Variants in ROBO2 observed in about 807,000 individuals in gnomAD.
ROBO2 encodes roundabout homolog 2.
A neutral mutation model predicts 160.8 loss-of-function variants in ROBO2; 53 were observed. That is an observed-to-expected ratio of 0.33 (90% CI 0.26 to 0.41). The LOEUF is 0.41. Ranked by LOEUF, ROBO2 falls within the 10% of genes least tolerant of loss-of-function variation. The probability of loss-of-function intolerance (pLI) is 1.00; values close to 1 mark genes in which losing one functional copy is unlikely to be tolerated. For synonymous variants in ROBO2, 664 were observed against 611.7 expected (o/e 1.09, Z -1.26); for missense variants, 1,577 against 1,722.4 (o/e 0.92, Z 1.49).
chr3:76,957,620 C>T (rs1179420507), intron 2 of ROBO2, among the ~76,000 whole-genome samples: 1 of 151,924 alleles, frequency 6.6e-6, no homozygotes, highest in African/African-American at 2.4e-5. Context: ...ATCACGAGGT[C>T]AGGAGTTTGA....
At chr3:77,199,010 G>T (rs2082573527) in intron 2 of ROBO2, among the ~76,000 whole-genome samples, 1 of 152,186 alleles carries the variant, frequency 6.6e-6, no homozygotes, top group South Asian at 2.1e-4. Context: ...TACCCTCAAA[G>T]ATTCCAGACT....
chr3:76,522,084 C>T (rs1007238548), intron 2 of ROBO2, among the ~76,000 whole-genome samples: 2 of 152,094 alleles, frequency 1.3e-5, no homozygotes, highest in African/African-American at 2.4e-5. Context: ...ATACAGACAA[C>T]GCTGTAAGAA....
At position 77,489,130 on chromosome 3, in the gene ROBO2, T is replaced by C. The variant is rs367643063; in HGVS notation, c.668-4114T>C. Among the ~76,000 whole-genome samples, 123 of 152,314 alleles carry C rather than the reference T, an allele frequency of 8.1e-4. 1 individual carries two copies. In the South Asian group the frequency reaches 0.025, roughly 31 times the overall value. On this transcript the variant is annotated intron_variant, in intron 4 of 25. Coordinates refer to ENST00000461745, the Ensembl canonical transcript of ROBO2. ...AAATATGTGACCAAGCTCCAGTATCTCAGGAATTTCCCATGTCACATGTTG... is the reference window on the plus strand; with the variant it reads ...AAATATGTGACCAAGCTCCAGTATCCCAGGAATTTCCCATGTCACATGTTG...
At chr3:77,538,845 C>A in intron 6 of ROBO2, 1 of 491,416 alleles carries the variant, frequency 2.0e-6, no homozygotes, top group Non-Finnish European at 4.1e-6. Flanking sequence ...TGCAAAGAAA[C>A]GATTTCTCAC....
At chr3:76,830,735 G>A (rs544326910) in intron 2 of ROBO2, among the ~76,000 whole-genome samples, 41 of 151,778 alleles carry the variant, frequency 2.7e-4, no homozygotes, top group African/African-American at 9.2e-4. Flanking sequence ...CCAGCATCTC[G>A]GGAGGCTGAG....
At chr3:76,142,999 T>C (rs557919972) in intron 2 of ROBO2, among the ~76,000 whole-genome samples, 1 of 151,816 alleles carries the variant, frequency 6.6e-6, no homozygotes, top group African/African-American at 2.4e-5. Context: ...TTTCACGTCA[T>C]TTATGATGTG....
At chr3:77,031,849 A>G (rs1009645039) in intron 2 of ROBO2, among the ~76,000 whole-genome samples, 4 of 152,028 alleles carry the variant, frequency 2.6e-5, no homozygotes, top group African/African-American at 9.6e-5. Flanking sequence ...ACATGATACC[A>G]CAAACTGGAT....
At chr3:76,636,957 T>G (rs1578761128) in intron 2 of ROBO2, among the ~76,000 whole-genome samples, 1 of 151,688 alleles carries the variant, frequency 6.6e-6, no homozygotes, top group South Asian at 2.1e-4. Flanking sequence ...AGGCCAACAA[T>G]GGGGAAAACT....
intron 5 of ROBO2, among the ~76,000 whole-genome samples, chr3:77,496,618 AG>A (rs2086820800): frequency 6.6e-6 from 1 of 152,164 alleles, no homozygotes; most frequent in African/African-American, 2.4e-5. Context: ...AATTTGAATA[AG>A]GTTTGTGTAG....
chr3:76,963,142 GGT>G (rs2079794685), intron 2 of ROBO2, among the ~76,000 whole-genome samples: 1 of 112,472 alleles, frequency 8.9e-6, no homozygotes, highest in East Asian at 2.6e-4. Flanking sequence ...ACAATGTTCT[GGT>G]CCCTTTAATA....
chr3:77,236,845 T>C (rs2088064766), intron 2 of ROBO2, among the ~76,000 whole-genome samples: 1 of 152,184 alleles, frequency 6.6e-6, no homozygotes, highest in Admixed American at 6.5e-5. Context: ...CATTTAAGTT[T>C]ATTCCATATT....
At chr3:76,744,459 C>G (rs904790942) in intron 2 of ROBO2, among the ~76,000 whole-genome samples, 1 of 151,994 alleles carries the variant, frequency 6.6e-6, no homozygotes, top group South Asian at 2.1e-4. Flanking sequence ...TCCTGGGCCC[C>G]CATGATCCTC....
At chr3:76,371,853 T>A (rs2076119327) in intron 2 of ROBO2, among the ~76,000 whole-genome samples, 1 of 151,860 alleles carries the variant, frequency 6.6e-6, no homozygotes, top group Non-Finnish European at 1.5e-5. Flanking sequence ...TTCCCTTAGG[T>A]TTTCCATAAT....
At chr3:76,455,686 A>G (rs2077713538) in intron 2 of ROBO2, among the ~76,000 whole-genome samples, 1 of 152,276 alleles carries the variant, frequency 6.6e-6, no homozygotes, top group South Asian at 2.1e-4. Flanking sequence ...ACTTTTATTG[A>G]CCAGTTCTAC....
intron 2 of ROBO2, among the ~76,000 whole-genome samples, chr3:76,682,428 A>T (rs2092587415): frequency 1.0e-5 from 1 of 97,288 alleles, no homozygotes; most frequent in Non-Finnish European, 2.0e-5. Context: ...ATTTCTTTTG[A>T]GACGGAGTCT....
At chr3:77,298,524 C>A (rs566277645) in intron 2 of ROBO2, among the ~76,000 whole-genome samples, 7 of 152,208 alleles carry the variant, frequency 4.6e-5, no homozygotes, top group African/African-American at 1.7e-4. Flanking sequence ...GCCTTCAGAC[C>A]AGGGCAAAAT....
At chr3:77,251,730 T>A (rs2090373451) in intron 2 of ROBO2, among the ~76,000 whole-genome samples, 1 of 152,124 alleles carries the variant, frequency 6.6e-6, no homozygotes, top group South Asian at 2.1e-4. Flanking sequence ...CTTGTGTTAG[T>A]GAATAAGTCT....
intron 2 of ROBO2, among the ~76,000 whole-genome samples, chr3:77,152,540 G>T (rs2077634930): frequency 6.6e-6 from 1 of 152,152 alleles, no homozygotes; most frequent in African/African-American, 2.4e-5. Flanking sequence ...GATACTCAAA[G>T]TGCCCCATGA....
At chr3:76,815,955 C>T (rs1266517940) in intron 2 of ROBO2, among the ~76,000 whole-genome samples, 1 of 152,148 alleles carries the variant, frequency 6.6e-6, no homozygotes, top group African/African-American at 2.4e-5. Flanking sequence ...GTGCATTCGA[C>T]AGCTTGTAGC....
Sources: gnomAD v4.1 joint callset for allele counts (sites outside exome capture counted in the v4.1 genomes callset) on GRCh38, gnomAD v4.1.1 for gene constraint, MANE v1.5 for transcripts, NCBI Gene and HGNC (gene_info 2026-07-23, HGNC 2026-07-21) for gene names.